ADGRL3: variants seen among roughly 807,000 people sequenced by gnomAD.
ADGRL3 encodes adhesion G protein-coupled receptor L3.
In ADGRL3, 62 loss-of-function variants were observed where a neutral mutation model predicts 153.5. The observed-to-expected ratio is 0.40, with a 90% CI of 0.33 to 0.50. ADGRL3 has a LOEUF of 0.50. Among genes scored for constraint, ADGRL3 ranks in the 20% least tolerant of loss-of-function variants. ADGRL3 has a pLI of 0.47. For synonymous variants in ADGRL3, 710 were observed against 672.5 expected, an observed-to-expected ratio of 1.06 and a Z score of -0.86; for missense variants, 1,641 against 1,859.4, an observed-to-expected ratio of 0.88 and a Z score of 2.16.
In ADGRL3 at chr4:61,202,710, A is replaced by G. The variant is rs1735321818; in HGVS notation, c.-240+945A>G. 6.6e-6 allele frequency among the ~76,000 whole-genome samples: 1 copy of G among 152,086 alleles called. No homozygotes were observed. The highest frequency in any genetic ancestry group is 1.5e-5 in the Non-Finnish European group (1 of 68,028). On this transcript the variant is annotated intron_variant, in intron 1 of 26. Transcript: ENST00000683033. This position sits in a 1 kb window ranked among gnomAD's most constrained non-coding sequence, Gnocchi z 5.0. ...CCTCCGGTCCCACGTCGGAGCTCAGAAGCTTAGGGTGCCAGGCCCCCAGCA... is the reference window on the plus strand; with the variant it reads ...CCTCCGGTCCCACGTCGGAGCTCAGGAGCTTAGGGTGCCAGGCCCCCAGCA...
chr4:61,847,478 A>G (rs1043141078), intron 9 of ADGRL3, among the ~76,000 whole-genome samples: 1 of 146,952 alleles, frequency 6.8e-6, no homozygotes, highest in African/African-American at 2.5e-5. Flanking sequence ...TGTGTACTAC[A>G]TGAAGGTAGA....
chr4:61,525,528 A>C (rs2098553998), intron 4 of ADGRL3, among the ~76,000 whole-genome samples: 1 of 152,136 alleles, frequency 6.6e-6, no homozygotes, highest in Non-Finnish European at 1.5e-5. Flanking sequence ...GGAAGCTTCT[A>C]ATTAGAGTTG....
chr4:61,741,221 G>A (rs183925370), intron 8 of ADGRL3, among the ~76,000 whole-genome samples: 83 of 152,244 alleles, frequency 5.5e-4, no homozygotes, highest in Admixed American at 1.6e-3. Context: ...GTGCACCCTC[G>A]TCAGAAAATG....
chr4:61,560,132 C>T (rs1174825628), intron 4 of ADGRL3, among the ~76,000 whole-genome samples: 1 of 152,062 alleles, frequency 6.6e-6, no homozygotes, highest in Non-Finnish European at 1.5e-5. Flanking sequence ...TGTCTAACCT[C>T]CATACTTCTA....
intron 2 of ADGRL3, among the ~76,000 whole-genome samples, chr4:61,451,457 G>T (rs1428965874): frequency 6.6e-6 from 1 of 152,160 alleles, no homozygotes; most frequent in Non-Finnish European, 1.5e-5. Flanking sequence ...AATGCTAATA[G>T]ATTGAACAAT....
chr4:61,869,954 AAAAAAAAG>A (rs1400603952), intron 9 of ADGRL3, among the ~76,000 whole-genome samples: 6 of 113,236 alleles, frequency 5.3e-5, no homozygotes, highest in African/African-American at 1.2e-4. Context: ...AAAAAAAAAA[AAAAAAAAG>A]AGAGAGAGAG....
rs557399526 is a variant in ADGRL3, at chr4:61,982,203, G to A, written c.3016-1180G>A. Reference sequence around the variant, plus strand: ...TGTTATATATGGTATGAAAAACTTCGCCAAATATTGCATACTACACAAAAC... The same window carrying A: ...TGTTATATATGGTATGAAAAACTTCACCAAATATTGCATACTACACAAAAC... On this transcript the variant is annotated intron_variant, in intron 18 of 26. Coordinates refer to ENST00000683033, the MANE Select transcript of ADGRL3 (RefSeq NM_001387552.1). Among the ~76,000 whole-genome samples, 18 of 151,942 alleles carry A rather than the reference G, an allele frequency of 1.2e-4. 1 individual carries two copies. In the South Asian group the frequency reaches 1.9e-3, roughly 16 times the overall value.
chr4:61,226,467 C>T (rs1041229238), intron 1 of ADGRL3, among the ~76,000 whole-genome samples: 1 of 152,104 alleles, frequency 6.6e-6, no homozygotes, highest in African/African-American at 2.4e-5. Flanking sequence ...TTTCTGTGCA[C>T]ATGTGTGGTT....
chr4:62,027,450 T>C (rs1719369440), intron 21 of ADGRL3, among the ~76,000 whole-genome samples: 1 of 152,000 alleles, frequency 6.6e-6, no homozygotes, highest in African/African-American at 2.4e-5. Context: ...AATTTTAAAC[T>C]TAATGTCATT....
intron 1 of ADGRL3, among the ~76,000 whole-genome samples, chr4:61,355,011 C>G (rs573662356): frequency 2.3e-4 from 35 of 152,158 alleles, no homozygotes; most frequent in African/African-American, 7.9e-4. Context: ...TGGTCCTTTA[C>G]TGAGGTCCTT....
intron 5 of ADGRL3, among the ~76,000 whole-genome samples, chr4:61,660,990 C>A (rs144599694): frequency 0.011 from 1,663 of 152,038 alleles, 34 homozygotes; most frequent in African/African-American, 0.037. Context: ...GATTCAGTAA[C>A]CCATCATTTA....
At chr4:61,724,424 G>T (rs909709663) in intron 6 of ADGRL3, among the ~76,000 whole-genome samples, 1 of 152,160 alleles carries the variant, frequency 6.6e-6, no homozygotes, top group Non-Finnish European at 1.5e-5. Context: ...CCCAGTTTCT[G>T]TAGCATCTAT....
intron 17 of ADGRL3, among the ~76,000 whole-genome samples, chr4:61,958,293 C>G (rs1442862848): frequency 1.3e-5 from 2 of 152,162 alleles, no homozygotes; most frequent in Non-Finnish European, 2.9e-5. Context: ...AGACCTCTTA[C>G]ATATCCAAAA....
At chr4:61,642,115 C>A (rs1168866529) in intron 5 of ADGRL3, among the ~76,000 whole-genome samples, 2 of 147,840 alleles carry the variant, frequency 1.4e-5, no homozygotes, top group Non-Finnish European at 3.0e-5. Context: ...ATGTCCTTTG[C>A]CCACTTTTTG....
At chr4:62,036,049 T>C (rs1425205053) in intron 23 of ADGRL3, among the ~76,000 whole-genome samples, 1 of 152,072 alleles carries the variant, frequency 6.6e-6, no homozygotes, top group East Asian at 1.9e-4. Context: ...ATACACAAAA[T>C]ATGGACTGAC....
At chr4:61,968,747 G>A (rs2099015817) in intron 17 of ADGRL3, among the ~76,000 whole-genome samples, 2 of 152,102 alleles carry the variant, frequency 1.3e-5, no homozygotes. Context: ...GTGTAAAGAT[G>A]TACAGGACAT....
At chr4:61,357,753 T>A (rs1322703603) in intron 1 of ADGRL3, among the ~76,000 whole-genome samples, 1 of 152,138 alleles carries the variant, frequency 6.6e-6, no homozygotes, top group Non-Finnish European at 1.5e-5. Context: ...AATAAACACT[T>A]TGATCTGTTT....
intron 11 of ADGRL3, among the ~76,000 whole-genome samples, chr4:61,898,583 C>T (rs750483519): frequency 1.3e-5 from 2 of 151,428 alleles, no homozygotes; most frequent in Non-Finnish European, 2.9e-5. Flanking sequence ...TTTACACAGC[C>T]TGCCGGGAAG....
chr4:61,289,662 T>G (rs181368563), intron 1 of ADGRL3, among the ~76,000 whole-genome samples: 1 of 152,186 alleles, frequency 6.6e-6, no homozygotes, highest in African/African-American at 2.4e-5. Flanking sequence ...AGGCAAATAA[T>G]TGGATATTGA....
Sources: allele counts gnomAD v4.1 joint callset (sites outside exome capture counted in the v4.1 genomes callset), GRCh38; gene constraint gnomAD v4.1.1; non-coding constraint Gnocchi (gnomAD v3.1); transcripts MANE v1.5; gene names NCBI Gene and HGNC (gene_info 2026-07-23, HGNC 2026-07-21).